Variants in PRKN observed in about 807,000 individuals in gnomAD.
PRKN encodes the protein parkin RBR E3 ubiquitin protein ligase, also known as E3 ubiquitin-protein ligase parkin.
In PRKN, 56 loss-of-function variants were observed where a neutral mutation model predicts 59.5. The ratio of observed to expected loss-of-function variants is 0.94; its 90% CI spans 0.76 to 1.18. The LOEUF is 1.18. Among genes scored for constraint, PRKN ranks in the 50% most tolerant of loss-of-function variants. The pLI, the probability that PRKN is intolerant of heterozygous loss-of-function variation, is 0.00. For synonymous variants in PRKN, 250 were observed against 222.1 expected (o/e 1.13, Z -1.12); for missense variants, 657 against 596.4 (o/e 1.10, Z -1.06).
chr6:161,581,834 G>A lies in PRKN; in HGVS notation c.872-12418C>T, dbSNP rs543410632. ...TGCTAAGCTAGTGAGTTCTGACAAG[G>A]GCTCCTTTCCTGCTTCAGGTTTTAT... On this transcript the variant is annotated intron_variant, in intron 7 of 11. Coordinates refer to ENST00000366898, the MANE Select transcript of PRKN (RefSeq NM_004562.3). This position sits in a 1 kb window ranked among gnomAD's most constrained non-coding sequence, Gnocchi z 4.5. Among the ~76,000 whole-genome samples the A allele has an allele frequency of 1.2e-4, 19 of 152,248 alleles. No individual in the cohort carries two copies. Among genetic ancestry groups the A allele is most frequent in the African/African-American group, 4.6e-4 (19 of 41,546 alleles).
chr6:162,201,049 C>G (rs1271214637), intron 4 of PRKN, 82 bp downstream of exon 4: 40 of 1,420,372 alleles, frequency 2.8e-5, no homozygotes, highest in Non-Finnish European at 4.0e-5. Context: ...ACGGGTGATA[C>G]ATCATTAGAA....
chr6:162,057,976 C>A (rs1409958437), intron 4 of PRKN, among the ~76,000 whole-genome samples: 1 of 152,122 alleles, frequency 6.6e-6, no homozygotes, highest in African/African-American at 2.4e-5. Context: ...AATTACATGG[C>A]AAATTGCAAA....
intron 6 of PRKN, among the ~76,000 whole-genome samples, chr6:161,937,879 A>T (rs1779414750): frequency 6.6e-6 from 1 of 152,204 alleles, no homozygotes; most frequent in South Asian, 2.1e-4. Context: ...ACTTTTCTAC[A>T]ATCAAACGAA....
intron 3 of PRKN, among the ~76,000 whole-genome samples, chr6:162,232,597 A>T (rs1321718830): frequency 6.6e-6 from 1 of 152,198 alleles, no homozygotes. Flanking sequence ...ATTTGCCTCA[A>T]GGTTGAGATT....
chr6:162,510,416 A>G (rs919064272), intron 1 of PRKN, among the ~76,000 whole-genome samples: 1 of 152,134 alleles, frequency 6.6e-6, no homozygotes, highest in African/African-American at 2.4e-5. Flanking sequence ...ACTCCTAGGT[A>G]AGTCTGGCCA....
At chr6:162,595,268 AT>A in intron 1 of PRKN, among the ~76,000 whole-genome samples, 1 of 150,282 alleles carries the variant, frequency 6.7e-6, no homozygotes, top group Middle Eastern at 3.4e-3. Flanking sequence ...TTTTTTCTTT[AT>A]TTTTTTTTGA....
chr6:162,451,113 A>T (rs1244698056), intron 1 of PRKN, among the ~76,000 whole-genome samples: 1 of 152,176 alleles, frequency 6.6e-6, no homozygotes, highest in Non-Finnish European at 1.5e-5. Context: ...ACCAAAATAA[A>T]TGTCTTCCAA....
chr6:161,424,779 A>T (rs1363211793), intron 9 of PRKN, among the ~76,000 whole-genome samples: 2 of 152,090 alleles, frequency 1.3e-5, no homozygotes, highest in African/African-American at 2.4e-5. Flanking sequence ...GTATCAAAGG[A>T]ATTAACTCAT....
chr6:162,423,616 T>C (rs1477711326), intron 2 of PRKN, among the ~76,000 whole-genome samples: 1 of 152,124 alleles, frequency 6.6e-6, no homozygotes, highest in African/African-American at 2.4e-5. Flanking sequence ...TGTGGTATCT[T>C]TGCAGTTACA....
chr6:162,565,594 G>A (rs1040109050), intron 1 of PRKN, among the ~76,000 whole-genome samples: 1 of 152,120 alleles, frequency 6.6e-6, no homozygotes, highest in African/African-American at 2.4e-5. Flanking sequence ...AAAGGCTGAG[G>A]CAAGATAATT....
chr6:162,716,888 T>C (rs2128239730), intron 1 of PRKN, among the ~76,000 whole-genome samples: 1 of 152,320 alleles, frequency 6.6e-6, no homozygotes, highest in African/African-American at 2.4e-5. Context: ...CTCTCTGTCA[T>C]TCTTCCTTCA....
At chr6:162,350,926 A>G (rs1047698212) in intron 2 of PRKN, among the ~76,000 whole-genome samples, 2 of 152,312 alleles carry the variant, frequency 1.3e-5, no homozygotes, top group Non-Finnish European at 1.5e-5. Flanking sequence ...TATATCTGAT[A>G]AAGAGGACTT....
At chr6:161,889,754 G>A (rs1795276100) in intron 6 of PRKN, among the ~76,000 whole-genome samples, 2 of 152,178 alleles carry the variant, frequency 1.3e-5, no homozygotes, top group Admixed American at 1.3e-4. Context: ...TGTTGGTTGA[G>A]AGAATGCATT....
At chr6:162,245,573 T>C (rs1779163374) in intron 3 of PRKN, among the ~76,000 whole-genome samples, 1 of 152,122 alleles carries the variant, frequency 6.6e-6, no homozygotes, top group Non-Finnish European at 1.5e-5. Flanking sequence ...TTAATGGTTT[T>C]AGAGGTCACG....
intron 2 of PRKN, among the ~76,000 whole-genome samples, chr6:162,367,413 T>C (rs1289661942): frequency 6.6e-6 from 1 of 152,216 alleles, no homozygotes; most frequent in Admixed American, 6.5e-5. Context: ...TTAATAATGG[T>C]ACAGTATCTT....
chr6:162,470,236 T>C (rs1429798172), intron 1 of PRKN, among the ~76,000 whole-genome samples: 1 of 152,130 alleles, frequency 6.6e-6, no homozygotes, highest in Non-Finnish European at 1.5e-5. Context: ...TATGATATAA[T>C]GAAAAGGGAA....
chr6:162,479,989 C>T (rs916846611), intron 1 of PRKN, among the ~76,000 whole-genome samples: 23 of 151,454 alleles, frequency 1.5e-4, no homozygotes, highest in Non-Finnish European at 4.4e-5. Flanking sequence ...CGCTTAAACC[C>T]GGGAGGTGGA....
At chr6:162,571,568 T>C (rs1780329624) in intron 1 of PRKN, among the ~76,000 whole-genome samples, 1 of 151,856 alleles carries the variant, frequency 6.6e-6, no homozygotes, top group African/African-American at 2.4e-5. Context: ...AACAGAAAAC[T>C]CTAGTATGGA....
At chr6:162,470,077 C>T (rs961169229) in intron 1 of PRKN, among the ~76,000 whole-genome samples, 7 of 152,000 alleles carry the variant, frequency 4.6e-5, no homozygotes, top group Admixed American at 1.3e-4. Flanking sequence ...TGCTGTCCTG[C>T]GAAAGTGAAG....
Sources: gnomAD v4.1 joint callset for allele counts (sites outside exome capture counted in the v4.1 genomes callset) on GRCh38, gnomAD v4.1.1 for gene constraint, Gnocchi (gnomAD v3.1) non-coding constraint, MANE v1.5 for transcripts, NCBI Gene and HGNC (gene_info 2026-07-23, HGNC 2026-07-21) for gene names.